GRIP1: variants seen among roughly 807,000 people sequenced by gnomAD.
GRIP1 encodes glutamate receptor-interacting protein 1.
GRIP1 carries 45 observed loss-of-function variants against 129.9 expected under a neutral mutation model. The observed-to-expected ratio is 0.35, with a 90% CI of 0.27 to 0.44. The LOEUF is 0.44. GRIP1 is among the 20% of genes least tolerant of loss of function. GRIP1 has a pLI of 1.00. For missense variants in GRIP1, 1,196 were observed against 1,396.8 expected (o/e 0.86, Z 2.29); for synonymous variants, 530 against 520.8 (o/e 1.02, Z -0.24).
chr12:66,450,421 C>T (rs1487960310), intron 11 of GRIP1, among the ~76,000 whole-genome samples: 3 of 144,544 alleles, frequency 2.1e-5, no homozygotes, highest in African/African-American at 2.6e-5. Context: ...GAAAGACTTG[C>T]TATGTTTTTT....
chr12:66,973,434 T>G (rs751165908), intron 1 of GRIP1, among the ~76,000 whole-genome samples: 2 of 150,118 alleles, frequency 1.3e-5, no homozygotes, highest in African/African-American at 2.4e-5. Context: ...TTTCAGCCTG[T>G]TAAAACCATT....
intron 2 of GRIP1, among the ~76,000 whole-genome samples, chr12:66,592,916 C>G (rs1445864823): frequency 6.6e-6 from 1 of 152,090 alleles, no homozygotes. Context: ...TCTGTTAGTT[C>G]TGAATACCTT....
chr12:66,389,812 C>T (rs1249938466), intron 19 of GRIP1, among the ~76,000 whole-genome samples: 5 of 152,054 alleles, frequency 3.3e-5, no homozygotes, highest in Middle Eastern at 3.2e-3. Context: ...TACACTTTAA[C>T]GGGTACACAG....
At chr12:66,477,254 A>G (rs2138501590) in intron 7 of GRIP1, among the ~76,000 whole-genome samples, 1 of 152,312 alleles carries the variant, frequency 6.6e-6, no homozygotes, top group South Asian at 2.1e-4. Flanking sequence ...AGAGAGCCAA[A>G]TCATGAGTGA....
intron 23 of GRIP1, 35 bp from the exon 24 acceptor site, chr12:66,353,598 G>T (rs772941606): frequency 6.2e-7 from 1 of 1,603,938 alleles, no homozygotes; most frequent in South Asian, 1.1e-5. Context: ...ATATTTAGCT[G>T]GGGTGGAGAC....
intron 1 of GRIP1, among the ~76,000 whole-genome samples, chr12:66,689,624 CAATT>C (rs1469137187): frequency 1.3e-5 from 2 of 152,108 alleles, no homozygotes; most frequent in African/African-American, 4.8e-5. Context: ...TGACCACAAT[CAATT>C]AACATATTCA....
At chr12:66,490,000 A>C (rs1294547532) in intron 7 of GRIP1, among the ~76,000 whole-genome samples, 4 of 152,230 alleles carry the variant, frequency 2.6e-5, no homozygotes, top group Non-Finnish European at 5.9e-5. Context: ...AAATGAAAAA[A>C]CATTCCATGT....
intron 1 of GRIP1, among the ~76,000 whole-genome samples, chr12:66,861,479 AAAG>A (rs2040110776): frequency 6.6e-6 from 1 of 152,126 alleles, no homozygotes; most frequent in Non-Finnish European, 1.5e-5. Flanking sequence ...GCTTGTTCAG[AAAG>A]AAGATTTTAT....
chr12:66,920,704 A>G (rs2041199248), intron 1 of GRIP1, among the ~76,000 whole-genome samples: 1 of 152,224 alleles, frequency 6.6e-6, no homozygotes, highest in Non-Finnish European at 1.5e-5. Flanking sequence ...CCCATAGCCC[A>G]AAAGGCTTTC....
chr12:66,978,035 T>C (rs1459893768), intron 1 of GRIP1, among the ~76,000 whole-genome samples: 4 of 151,698 alleles, frequency 2.6e-5, no homozygotes, highest in Admixed American at 1.3e-4. Flanking sequence ...TTGCCCAGAG[T>C]GGTCTCAAAC....
At chr12:66,433,280 C>T (rs534027199) in intron 13 of GRIP1, among the ~76,000 whole-genome samples, 76 of 56,318 alleles carry the variant, frequency 1.3e-3, no homozygotes, top group African/African-American at 2.6e-3. Flanking sequence ...CAAAACAGTA[C>T]TGGTTATCAA....
At chr12:66,556,616 A>C (rs1203900910) in intron 2 of GRIP1, among the ~76,000 whole-genome samples, 2 of 152,012 alleles carry the variant, frequency 1.3e-5, no homozygotes, top group Non-Finnish European at 2.9e-5. Context: ...CAACTTTTCA[A>C]GAAATAGCCA....
intron 1 of GRIP1, among the ~76,000 whole-genome samples, chr12:66,847,873 T>C (rs11176449): frequency 0.089 from 13,617 of 152,256 alleles, 682 homozygotes; most frequent in South Asian, 0.18. Flanking sequence ...CTGCAGATAC[T>C]GGATATGAGT....
chr12:66,444,570 T>C lies in GRIP1; in HGVS notation c.1687+14A>G. On this transcript the variant is annotated intron_variant, in intron 13 of 24. Transcript: ENST00000359742. ...ACTCACATGCAGTCCACTCCTGAGA[T>C]GATATGATTATACCTGCAACATCAA... 4 of 1,598,030 alleles carry C rather than the reference T, an allele frequency of 2.5e-6. No homozygotes were observed. Among genetic ancestry groups the C allele is most frequent in the African/African-American group, 3.1e-5 (2 of 64,418 alleles).
chr12:67,014,716 GA>G (rs1333940710), intron 1 of GRIP1, among the ~76,000 whole-genome samples: 3 of 150,314 alleles, frequency 2.0e-5, no homozygotes, highest in Admixed American at 6.6e-5. Context: ...AATAATCTGG[GA>G]AAAAAAAAGA....
chr12:67,010,149 G>A (rs1417738386), intron 1 of GRIP1, among the ~76,000 whole-genome samples: 1 of 152,002 alleles, frequency 6.6e-6, no homozygotes, highest in Non-Finnish European at 1.5e-5. Context: ...GAAGACAAAA[G>A]GATATATATT....
chr12:66,830,425 G>A (rs1379471157), intron 1 of GRIP1, among the ~76,000 whole-genome samples: 3 of 152,116 alleles, frequency 2.0e-5, no homozygotes, highest in South Asian at 2.1e-4. Context: ...GACAGAGTGA[G>A]CCTTGAAGAT....
chr12:66,874,490 A>ATT (rs934348352), intron 1 of GRIP1, among the ~76,000 whole-genome samples: 3 of 151,986 alleles, frequency 2.0e-5, no homozygotes, highest in African/African-American at 7.2e-5. Context: ...AGACTGAGTA[A>ATT]TTTATAAAGA....
intron 1 of GRIP1, among the ~76,000 whole-genome samples, chr12:66,812,214 A>G (rs1350727682): frequency 6.6e-6 from 1 of 152,056 alleles, no homozygotes; most frequent in Non-Finnish European, 1.5e-5. Flanking sequence ...GCTCACTGCA[A>G]CTTCCACTTC....
Sources: gnomAD v4.1 joint callset for allele counts (sites outside exome capture counted in the v4.1 genomes callset) on GRCh38, gnomAD v4.1.1 for gene constraint, MANE v1.5 for transcripts, NCBI Gene and HGNC (gene_info 2026-07-23, HGNC 2026-07-21) for gene names.